The following RAB29 variants were observed in gnomAD, a reference collection of about 807,000 sequenced individuals.
The protein encoded by RAB29 is RAB29, member RAS oncogene family.
A neutral mutation model predicts 25.5 loss-of-function variants in RAB29; 13 were observed. That is an observed-to-expected ratio of 0.51 (90% confidence interval 0.33 to 0.81). The LOEUF (loss-of-function observed/expected upper bound fraction) is 0.81. Ranked by LOEUF, RAB29 falls within the 30% of genes least tolerant of loss-of-function variation. RAB29 has a pLI of 0.02. For synonymous variants in RAB29, 88 were observed against 95.0 expected (o/e 0.93, Z 0.43); for missense variants, 201 against 254.9 (o/e 0.79, Z 1.44).
Position 205,768,442 on chromosome 1 carries a change from G to C in RAB29, c.*1900C>G, listed in dbSNP as rs1183527019. The C allele has an allele frequency of 1.3e-5, 2 of 152,042 alleles. No homozygotes were observed. Among genetic ancestry groups the C allele is most frequent in the Non-Finnish European group, 2.9e-5 (2 of 68,000 alleles). The allele number at this position is 152,042 out of a possible 1,614,324, so 9.4% of individuals were successfully genotyped here. ...AACCAGGCTTATCACAATCACCAGGGAAGCTCTGAAAACAACAACACATTC... is the reference window on the plus strand; with the variant it reads ...AACCAGGCTTATCACAATCACCAGGCAAGCTCTGAAAACAACAACACATTC... On this transcript the variant is annotated 3_prime_UTR_variant, in exon 6 of 6. Coordinates refer to ENST00000367139, the MANE Select transcript of RAB29 (RefSeq NM_003929.3).
chr1:205,770,544 G>C (rs1376547541), intron 5 of RAB29, 91 bp from the exon 6 acceptor site: 5 of 1,423,056 alleles, frequency 3.5e-6, no homozygotes, highest in Non-Finnish European at 3.9e-6. Flanking sequence ...AGAGTATTTG[G>C]TAAAGCCAGA....
Position 205,774,879 on chromosome 1 carries a change from T to A in RAB29, c.78A>T (p.Arg26=). Residue 26 remains arginine, a synonymous_variant, in exon 2 of 6, where the codon CGA becomes CGT. Coordinates refer to ENST00000367139, the MANE Select transcript of RAB29 (RefSeq NM_003929.3). ...AAVGKTSLVQ[R]YSQDSFSKHY... The stretch of plus-strand genomic sequence containing the variant: ...GTTTGCTGAAGCTGTCCTGGGAATA[T>A]CGCTGCACCAGCGACGTCTTGCCCA... 2 of 1,568,406 alleles carry A rather than the reference T, an allele frequency of 1.3e-6. No homozygotes were observed. The highest frequency in any genetic ancestry group is 1.7e-6 in the Non-Finnish European group (2 of 1,150,974).
chr1:205,774,818 C>A lies in RAB29; in HGVS notation c.124+15G>T, dbSNP rs372609414. 4 of 1,583,042 alleles carry A rather than the reference C, an allele frequency of 2.5e-6. No homozygotes were observed. The highest frequency in any genetic ancestry group is 4.6e-5 in the East Asian group (2 of 43,094). On this transcript the variant is annotated intron_variant, in intron 2 of 5. Coordinates refer to ENST00000367139, the MANE Select transcript of RAB29 (RefSeq NM_003929.3). ...CCTCCTCCCCCTCCCCCTCCCCACC[C>A]CCGAGACGTCTCACCTCCCACCGTG...
At chr1:205,775,140 T>G in intron 1 of RAB29, 54 bp from the exon 2 acceptor site, 1 of 726,806 alleles carries the variant, frequency 1.4e-6, no homozygotes, top group Non-Finnish European at 2.1e-6. Flanking sequence ...TATACGCGCT[T>G]CCTCCCCGGG....
intron 2 of RAB29, 35 bp downstream of exon 2, chr1:205,774,798 T>TCCCCCC: frequency 1.1e-5 from 7 of 658,514 alleles, no homozygotes; most frequent in East Asian, 4.1e-5. Flanking sequence ...GGCCTCCTCC[T>TCCCCCC]CCCCCTCCCC....
chr1:205,774,794 C>CACCAG, intron 2 of RAB29, 39 bp downstream of exon 2: 3 of 1,419,268 alleles, frequency 2.1e-6, no homozygotes, highest in Non-Finnish European at 2.9e-6. Context: ...TCGGGGCCTC[C>CACCAG]TCCTCCCCCT....
intron 2 of RAB29, among the ~76,000 whole-genome samples, chr1:205,773,417 C>T (rs910320697): frequency 6.6e-6 from 1 of 152,082 alleles, no homozygotes; most frequent in East Asian, 1.9e-4. Context: ...AACCCAAATC[C>T]GTGAAATAGG....
intron 5 of RAB29, 57 bp from the exon 6 acceptor site, chr1:205,770,510 A>C: frequency 6.6e-7 from 1 of 1,507,268 alleles, no homozygotes; most frequent in Non-Finnish European, 9.2e-7. Flanking sequence ...CAGAAATGGC[A>C]GATGTAGTCT....
chr1:205,775,098 A>ATTTCTC lies in RAB29; in HGVS notation c.-130-13_-130-12insGAGAAA. The ATTTCTC allele has an allele frequency of 4.3e-6, 5 of 1,149,556 alleles. No homozygotes were observed. The highest frequency in any genetic ancestry group is 6.0e-6 in the Non-Finnish European group (5 of 830,392). The allele number at this position is 1,149,556 out of a possible 1,614,324, so 71.2% of individuals were successfully genotyped here. A position where few individuals can be genotyped will look rare whatever the true frequency, so the allele number is the denominator to read the frequency against. On this transcript the variant is annotated splice_polypyrimidine_tract_variant and intron_variant, in intron 1 of 5. Coordinates refer to ENST00000367139, the MANE Select transcript of RAB29 (RefSeq NM_003929.3). ...ACCGCCTGTCTGGGCTGCTCTGACG[A>ATTTCTC]GAAAGCAAAAAAGGAAACTTTGCAC... is the stretch of plus-strand genomic sequence containing the variant.
rs899038007 is a variant in RAB29 at position 205,769,849 on chromosome 1, C to A, written c.*493G>T. The A allele has an allele frequency of 6.4e-4, 15 of 23,444 alleles. No individual in the cohort carries two copies. Among genetic ancestry groups the A allele is most frequent in the Non-Finnish European group, 1.0e-3 (12 of 11,548 alleles). The allele number at this position is 23,444 out of a possible 1,614,324, so 1.5% of individuals were successfully genotyped here. ...GCCAAAAATCCACAGATGCCCAGAC[C>A]CCCTCCTTCTGCATTCCAGAATCAG... On this transcript the variant is annotated 3_prime_UTR_variant, in exon 6 of 6. Transcript: ENST00000367139.
rs746552639 is a variant in RAB29, at chr1:205,774,857, T to A, written c.100A>T (p.Lys34Ter). 4 of 1,613,400 alleles carry A rather than the reference T, an allele frequency of 2.5e-6. No homozygotes were observed. Among genetic ancestry groups the A allele is most frequent in the Non-Finnish European group, 3.4e-6 (4 of 1,179,754 alleles). Residue 34 changes from lysine (K) to a stop codon, truncating the protein, a stop_gained, in exon 2 of 6, where the codon AAA becomes TAA. Coordinates refer to ENST00000367139, the MANE Select transcript of RAB29 (RefSeq NM_003929.3). LOFTEE classifies it high-confidence loss of function. ...VQRYSQDSFS[K>*]HYKSTVGVDF... ...CCTCCCACCGTGGACTTGTAGTGTTTGCTGAAGCTGTCCTGGGAATATCGC... is the reference window on the plus strand; with the variant it reads ...CCTCCCACCGTGGACTTGTAGTGTTAGCTGAAGCTGTCCTGGGAATATCGC...
Position 205,770,276 on chromosome 1 carries a change from G to T in RAB29, c.*66C>A. Reference sequence around the variant, plus strand: ...AATGTACTTAATAAAATTGTCAGGTGGGCAACCAAAGGGAAGAGACTTAAA... The same window carrying T: ...AATGTACTTAATAAAATTGTCAGGTTGGCAACCAAAGGGAAGAGACTTAAA... On this transcript the variant is annotated 3_prime_UTR_variant, in exon 6 of 6. Coordinates refer to ENST00000367139, the MANE Select transcript of RAB29 (RefSeq NM_003929.3). 1 of 1,323,370 alleles carries T rather than the reference G, an allele frequency of 7.6e-7. No individual in the cohort carries two copies. The highest frequency in any genetic ancestry group is 1.8e-4 in the Middle Eastern group (1 of 5,542). The allele number at this position is 1,323,370 out of a possible 1,614,324, so 82.0% of individuals were successfully genotyped here.
Position 205,770,283 on chromosome 1 carries a change from C to A in RAB29, c.*59G>T. 1 of 1,438,550 alleles carries A rather than the reference C, an allele frequency of 7.0e-7. No individual in the cohort carries two copies. The highest frequency in any genetic ancestry group is 9.8e-7 in the Non-Finnish European group (1 of 1,022,618). 89.1% of individuals were successfully genotyped at this position (1,438,550 alleles called of 1,614,324 possible). A position where few individuals can be genotyped will look rare whatever the true frequency, so the allele number is the denominator to read the frequency against. On this transcript the variant is annotated 3_prime_UTR_variant, in exon 6 of 6. Transcript: ENST00000367139. ...TTAATAAAATTGTCAGGTGGGCAACCAAAGGGAAGAGACTTAAAAGACCTC... is the reference window on the plus strand; with the variant it reads ...TTAATAAAATTGTCAGGTGGGCAACAAAAGGGAAGAGACTTAAAAGACCTC...
At chr1:205,771,013 C>A in intron 4 of RAB29, 159 bp from the exon 5 acceptor site, 1 of 1,104,478 alleles carries the variant, frequency 9.1e-7, no homozygotes, top group Non-Finnish European at 1.3e-6. Context: ...AAAGTCTCAC[C>A]CTTGGCTGGG....
intron 4 of RAB29, chr1:205,771,093 G>T (rs1654970998): frequency 4.0e-6 from 2 of 497,828 alleles, no homozygotes; most frequent in East Asian, 4.2e-5. Context: ...GGTCAGGAGA[G>T]CGAGACCATC....
chr1:205,769,378 T>G lies in RAB29; in HGVS notation c.*964A>C, dbSNP rs1654872957. ...CCTATCATGAGGATTAAGCTCTTTGTGGAAGAAAATGCTTTCATTGCATGA... is the reference window on the plus strand; with the variant it reads ...CCTATCATGAGGATTAAGCTCTTTGGGGAAGAAAATGCTTTCATTGCATGA... On this transcript the variant is annotated 3_prime_UTR_variant, in exon 6 of 6. Coordinates refer to ENST00000367139, the MANE Select transcript of RAB29 (RefSeq NM_003929.3). The G allele has an allele frequency of 6.6e-6, 1 of 152,206 alleles. No individual in the cohort carries two copies. The highest frequency in any genetic ancestry group is 1.5e-5 in the Non-Finnish European group (1 of 68,038). 9.4% of individuals were successfully genotyped at this position (152,206 alleles called of 1,614,324 possible).
rs1654956046 is a variant in RAB29, at chr1:205,770,825, C to T, written c.408G>A (p.Arg136=). 6.2e-7 allele frequency: 1 copy of T among 1,614,102 alleles called. No individual in the cohort carries two copies. The highest frequency in any genetic ancestry group is 1.1e-5 in the South Asian group (1 of 91,080). The change falls in exon 5 of 6, where the codon CGG becomes CGA. Residue 136 remains arginine, a synonymous_variant. Transcript: ENST00000367139. The stretch of plus-strand genomic sequence containing the variant: ...CTTTACTGAACCGGTCAATCTGGTC[C>T]CGGCTCACTGCCCAAGGGGACAGAT... The part of the protein sequence containing the change: ...KCDLSPWAVS[R]DQIDRFSKEN...
At chr1:205,772,364 T>C in intron 3 of RAB29, 132 bp downstream of exon 3, 2 of 920,768 alleles carry the variant, frequency 2.2e-6, no homozygotes, top group Admixed American at 1.7e-5. Flanking sequence ...TCAGCTCATG[T>C]GTCCTCAGAG....
chr1:205,771,787 C>T, intron 3 of RAB29, 134 bp from the exon 4 acceptor site: 1 of 904,572 alleles, frequency 1.1e-6, no homozygotes, highest in Non-Finnish European at 1.8e-6. Flanking sequence ...TTTTCTATCC[C>T]ATAAAGGGAT....
Sources: allele counts gnomAD v4.1 joint callset (sites outside exome capture counted in the v4.1 genomes callset), GRCh38; gene constraint gnomAD v4.1.1; transcripts MANE v1.5; gene names NCBI Gene and HGNC (gene_info 2026-07-23, HGNC 2026-07-21).